DLG2: variants seen among roughly 807,000 people sequenced by gnomAD.
The protein encoded by DLG2 is disks large homolog 2.
Under a neutral mutation model 132.5 loss-of-function variants are expected in DLG2, and 45 were observed. The ratio of observed to expected loss-of-function variants is 0.34; its 90% CI spans 0.27 to 0.44. The LOEUF (loss-of-function observed/expected upper bound fraction) is 0.44. Among genes scored for constraint, DLG2 ranks in the 20% least tolerant of loss-of-function variants. DLG2 has a pLI of 1.00. For missense variants in DLG2, 1,045 were observed against 1,196.9 expected, an observed-to-expected ratio of 0.87 and a Z score of 1.87; for synonymous variants, 424 against 419.6, an observed-to-expected ratio of 1.01 and a Z score of -0.13.
At chr11:84,693,680 C>T (rs2058300681) in intron 6 of DLG2, among the ~76,000 whole-genome samples, 1 of 151,692 alleles carries the variant, frequency 6.6e-6, no homozygotes, top group Non-Finnish European at 1.5e-5. Context: ...GGCTTATACA[C>T]TCTGACTCCC....
chr11:83,807,724 C>A (rs137902866), intron 17 of DLG2, among the ~76,000 whole-genome samples: 1 of 152,242 alleles, frequency 6.6e-6, no homozygotes, highest in East Asian at 1.9e-4. Flanking sequence ...ATACTAGTTA[C>A]TGAATACTGA....
At chr11:84,795,019 T>A (rs1379010469) in intron 6 of DLG2, among the ~76,000 whole-genome samples, 2 of 152,214 alleles carry the variant, frequency 1.3e-5, no homozygotes, top group East Asian at 3.9e-4. Flanking sequence ...CCATCAGGCC[T>A]GGGACAGCCT....
chr11:83,539,010 A>G (rs1032027342), intron 20 of DLG2, among the ~76,000 whole-genome samples: 4 of 152,156 alleles, frequency 2.6e-5, no homozygotes, highest in African/African-American at 9.7e-5. Context: ...TACACGGGCA[A>G]TTTCAGGCAC....
intron 7 of DLG2, among the ~76,000 whole-genome samples, chr11:84,514,272 G>C (rs116288050): frequency 0.015 from 2,296 of 152,118 alleles, 55 homozygotes; most frequent in African/African-American, 0.053. Context: ...CCACTATGGA[G>C]AGCAGTTTGG....
chr11:85,064,379 A>C (rs1304723539), intron 6 of DLG2, among the ~76,000 whole-genome samples: 1 of 151,834 alleles, frequency 6.6e-6, no homozygotes, highest in Non-Finnish European at 1.5e-5. Flanking sequence ...CATATTGCAC[A>C]TCAGACCTAC....
chr11:84,964,128 G>A (rs866921541), intron 6 of DLG2, among the ~76,000 whole-genome samples: 4 of 151,814 alleles, frequency 2.6e-5, no homozygotes, highest in African/African-American at 9.7e-5. Flanking sequence ...ATTAATTTAC[G>A]ATTCAAAGAA....
chr11:84,427,565 A>AT (rs889239007), intron 7 of DLG2, among the ~76,000 whole-genome samples: 24 of 152,188 alleles, frequency 1.6e-4, no homozygotes, highest in Non-Finnish European at 2.2e-4. Context: ...TGGGGAAAAA[A>AT]ATATATAGGA....
chr11:83,974,004 T>C (rs1473955789), intron 12 of DLG2, among the ~76,000 whole-genome samples: 1 of 152,094 alleles, frequency 6.6e-6, no homozygotes, highest in Non-Finnish European at 1.5e-5. Flanking sequence ...ATAACAGTAA[T>C]GACTGTCCTA....
intron 15 of DLG2, among the ~76,000 whole-genome samples, chr11:83,908,825 C>G (rs1354042756): frequency 7.9e-5 from 12 of 152,112 alleles, no homozygotes; most frequent in Non-Finnish European, 1.5e-5. Context: ...CCTCGAACTC[C>G]TAGGCTCAAG....
rs1326089367 is a variant in DLG2 at position 84,040,539 on chromosome 11, G to A, written c.919+18776C>T. 6.9e-4 allele frequency among the ~76,000 whole-genome samples: 104 copies of A among 150,694 alleles called. 2 individuals are homozygous for A. Among genetic ancestry groups the A allele is most frequent in the Middle Eastern group, 3.5e-3 (1 of 288 alleles). Reference sequence around the variant, plus strand: ...AAAGATCAGATAGTTGTAGATATGCGGCATTATTTCTGAGGGCTCTGTTCT... The same window carrying A: ...AAAGATCAGATAGTTGTAGATATGCAGCATTATTTCTGAGGGCTCTGTTCT... On this transcript the variant is annotated intron_variant, in intron 11 of 27. Transcript: ENST00000376104.
intron 6 of DLG2, among the ~76,000 whole-genome samples, chr11:84,830,681 A>C (rs950663015): frequency 4.0e-5 from 6 of 151,540 alleles, no homozygotes; most frequent in African/African-American, 1.5e-4. Flanking sequence ...GCTCTGACTG[A>C]AGCCTGCATA....
At chr11:83,870,846 C>T (rs1354132229) in intron 16 of DLG2, among the ~76,000 whole-genome samples, 1 of 152,158 alleles carries the variant, frequency 6.6e-6, no homozygotes, top group African/African-American at 2.4e-5. Flanking sequence ...GCTGTAGGCC[C>T]CTTCACATAG....
chr11:83,518,845 T>C (rs2095386863), intron 21 of DLG2, among the ~76,000 whole-genome samples: 3 of 151,744 alleles, frequency 2.0e-5, no homozygotes, highest in Admixed American at 2.0e-4. Context: ...GATAAATAAA[T>C]AAAAAAAAGA....
chr11:84,515,698 G>A (rs1438391946), intron 7 of DLG2, among the ~76,000 whole-genome samples: 3 of 151,708 alleles, frequency 2.0e-5, no homozygotes, highest in African/African-American at 4.8e-5. Flanking sequence ...AAATCAGCAC[G>A]GGAACATTGA....
chr11:85,413,616 A>G (rs187700970), intron 3 of DLG2, among the ~76,000 whole-genome samples: 165 of 152,134 alleles, frequency 1.1e-3, no homozygotes, highest in Non-Finnish European at 2.1e-3. Flanking sequence ...TCATTCTCCT[A>G]CATGTGGCTA....
Position 83,541,858 on chromosome 11 carries a change from T to C in DLG2, c.1941A>G (p.Arg647=). ...RTNQKRSLYV[R]AMFDYDKSKD... is the part of the protein sequence containing the mutation. ...TGCTCTTGTCGTAGTCGAACATGGCTCTGGAGGAAAGGACAAAAGAGGACA... is the reference window on the plus strand; with the variant it reads ...TGCTCTTGTCGTAGTCGAACATGGCCCTGGAGGAAAGGACAAAAGAGGACA... Residue 647 remains arginine, a splice_region_variant and synonymous_variant, in exon 20 of 28, where the codon AGA becomes AGG. Coordinates refer to ENST00000376104, the MANE Select transcript of DLG2 (RefSeq NM_001142699.3). 6.2e-7 allele frequency: 1 copy of C among 1,600,936 alleles called. No homozygotes were observed. The highest frequency in any genetic ancestry group is 8.5e-7 in the Non-Finnish European group (1 of 1,173,182).
At chr11:84,695,402 A>C (rs2058513689) in intron 6 of DLG2, among the ~76,000 whole-genome samples, 1 of 151,578 alleles carries the variant, frequency 6.6e-6, no homozygotes, top group African/African-American at 2.4e-5. Flanking sequence ...TAATAATCCT[A>C]AACACTCAAC....
chr11:85,588,038 G>T (rs1455136865), intron 3 of DLG2, among the ~76,000 whole-genome samples: 1 of 152,082 alleles, frequency 6.6e-6, no homozygotes, highest in Non-Finnish European at 1.5e-5. Context: ...TTCACTTCTG[G>T]CTTATAGGGT....
chr11:85,016,913 T>C (rs900908566), intron 6 of DLG2, among the ~76,000 whole-genome samples: 2 of 152,152 alleles, frequency 1.3e-5, no homozygotes, highest in Non-Finnish European at 2.9e-5. Flanking sequence ...CTCTCTTCTG[T>C]TCTGCTCTCC....
Sources: allele counts gnomAD v4.1 joint callset (sites outside exome capture counted in the v4.1 genomes callset), GRCh38; gene constraint gnomAD v4.1.1; transcripts MANE v1.5; gene names NCBI Gene and HGNC (gene_info 2026-07-23, HGNC 2026-07-21).